Variants in CCDC171 observed in about 807,000 individuals in gnomAD.
CCDC171 encodes coiled-coil domain containing 171.
CCDC171 carries 177 observed loss-of-function variants against 168.2 expected under a neutral mutation model. That is an observed-to-expected ratio of 1.05 (90% CI 0.93 to 1.19). The LOEUF (loss-of-function observed/expected upper bound fraction) is 1.19. CCDC171 is among the 50% of genes most tolerant of loss of function. The probability of loss-of-function intolerance (pLI) is 0.00; values close to 1 mark genes in which losing one functional copy is unlikely to be tolerated. For missense variants in CCDC171, 1,991 were observed against 1,539.0 expected (o/e 1.29, Z -4.91); for synonymous variants, 687 against 540.8 (o/e 1.27, Z -3.75).
intron 9 of CCDC171, among the ~76,000 whole-genome samples, chr9:15,673,680 G>T (rs988970874): frequency 1.3e-5 from 2 of 152,164 alleles, no homozygotes; most frequent in Admixed American, 6.5e-5. Context: ...AACCAGCTTT[G>T]CATCCCAGGG....
chr9:15,954,470 A>C (rs1829565559), intron 25 of CCDC171, among the ~76,000 whole-genome samples: 1 of 151,856 alleles, frequency 6.6e-6, no homozygotes, highest in Admixed American at 6.6e-5. Flanking sequence ...TAAATTCCAC[A>C]ATTTTGTGAA....
chr9:15,790,261 G>C (rs75934730), intron 21 of CCDC171, among the ~76,000 whole-genome samples: 4,141 of 152,196 alleles, frequency 0.027, 183 homozygotes, highest in African/African-American at 0.095. Context: ...TTCAGCACCT[G>C]TTGTTTCCTT....
downstream of CCDC171, among the ~76,000 whole-genome samples, chr9:16,063,452 G>A (rs926595040): frequency 6.6e-6 from 1 of 152,194 alleles, no homozygotes; most frequent in Non-Finnish European, 1.5e-5. Flanking sequence ...GGAATACCAG[G>A]AATTATGCAA....
chr9:15,689,892 T>C (rs1024388962), intron 10 of CCDC171, among the ~76,000 whole-genome samples: 2 of 152,084 alleles, frequency 1.3e-5, no homozygotes, highest in African/African-American at 4.8e-5. Context: ...TAGAAAAAAA[T>C]CCTTCATGAT....
At chr9:16,061,740 A>G (rs1311086420), downstream of CCDC171, 1 of 152,228 alleles carries the variant, frequency 6.6e-6, no homozygotes, top group Non-Finnish European at 1.5e-5. Context: ...AACCCCATGA[A>G]GCCATACTTT....
chr9:15,814,095 G>T (rs2059465842), intron 21 of CCDC171, among the ~76,000 whole-genome samples: 1 of 152,154 alleles, frequency 6.6e-6, no homozygotes, highest in Non-Finnish European at 1.5e-5. Flanking sequence ...GGATAATTTT[G>T]CTAGTCTTAA....
chr9:15,780,002 A>G (rs1010331689), intron 20 of CCDC171, among the ~76,000 whole-genome samples: 2 of 152,254 alleles, frequency 1.3e-5, no homozygotes, highest in Non-Finnish European at 1.5e-5. Flanking sequence ...AACAGCTACT[A>G]TAACTTCAGT....
intron 2 of CCDC171, among the ~76,000 whole-genome samples, chr9:15,569,846 C>CAAAAAACAAAAACAAA (rs2040072504): frequency 1.4e-5 from 2 of 139,814 alleles, no homozygotes; most frequent in East Asian, 4.0e-4. Context: ...AACAAACAAA[C>CAAAAAACAAAAACAAA]AAAAAAAAAA....
chr9:15,868,189 C>A (rs555302823), intron 23 of CCDC171, among the ~76,000 whole-genome samples: 1 of 151,864 alleles, frequency 6.6e-6, no homozygotes, highest in East Asian at 1.9e-4. Flanking sequence ...TGGCTTTGCT[C>A]CAGAGTTGTA....
chr9:16,011,565 G>A (rs1162321359), intron 3 of CCDC171, among the ~76,000 whole-genome samples: 1 of 152,114 alleles, frequency 6.6e-6, no homozygotes, highest in Non-Finnish European at 1.5e-5. Flanking sequence ...CTTTAACAAT[G>A]GAGCAGAATG....
chr9:15,876,592 G>T (rs973344571), intron 24 of CCDC171, among the ~76,000 whole-genome samples: 4 of 152,068 alleles, frequency 2.6e-5, no homozygotes, highest in African/African-American at 9.7e-5. Flanking sequence ...AGACACATAT[G>T]TTACATGGTA....
At chr9:15,816,489 A>G (rs1038221322) in intron 21 of CCDC171, among the ~76,000 whole-genome samples, 1 of 118,798 alleles carries the variant, frequency 8.4e-6, no homozygotes. Context: ...CATTATTTTT[A>G]CTTATATTTT....
intron 7 of CCDC171, among the ~76,000 whole-genome samples, chr9:15,651,194 C>T (rs1291792918): frequency 6.6e-6 from 1 of 151,900 alleles, no homozygotes; most frequent in African/African-American, 2.4e-5. Context: ...CTGCAACTTC[C>T]ACCTCCCGGG....
At chr9:15,910,167 T>C (rs2987055) in intron 24 of CCDC171, among the ~76,000 whole-genome samples, 94,877 of 143,724 alleles carry the variant, frequency 0.66, 31,182 homozygotes, top group East Asian at 0.8. Flanking sequence ...CCATGGTATA[T>C]ATGTGCACAC....
Position 15,889,541 on chromosome 9 carries a change from C to A in CCDC171, c.3600+14878C>A, listed in dbSNP as rs190278179. On this transcript the variant is annotated intron_variant, in intron 24 of 25. Transcript: ENST00000380701. ...TTATGCCACTTGAAAACTCGAAAGACTTCAACAGTTGTGTTATGTGCAAAT... is the reference window on the plus strand; with the variant it reads ...TTATGCCACTTGAAAACTCGAAAGAATTCAACAGTTGTGTTATGTGCAAAT... Among the ~76,000 whole-genome samples the A allele has an allele frequency of 4.2e-4, 64 of 152,256 alleles. No homozygotes were observed. In the South Asian group the frequency reaches 5.6e-3, roughly 13 times the overall value.
intron 3 of CCDC171, among the ~76,000 whole-genome samples, chr9:15,980,919 C>T (rs1418328697): frequency 1.3e-5 from 2 of 151,720 alleles, no homozygotes; most frequent in African/African-American, 2.4e-5. Context: ...TTAACTGAAC[C>T]TACAGTTCCA....
the CCDC171 span, among the ~76,000 whole-genome samples, chr9:16,082,358 T>C: frequency 6.6e-6 from 1 of 152,234 alleles, no homozygotes; most frequent in Non-Finnish European, 1.5e-5. Flanking sequence ...AATTCATGGC[T>C]TCATAGCAGG....
rs189476812 is a variant in CCDC171, at chr9:15,786,910, C to T, written c.3267+2216C>T. Among the ~76,000 whole-genome samples, 138 of 152,192 alleles carry T rather than the reference C, an allele frequency of 9.1e-4. 1 individual carries two copies. Among genetic ancestry groups the T allele is most frequent in the African/African-American group, 3.1e-3 (128 of 41,538 alleles). On this transcript the variant is annotated intron_variant, in intron 21 of 25. Transcript: ENST00000380701. ...TTCAACTGTAGCTTTCCACTGCCTA[C>T]CCGAGTCCTACAAAGCTGCCCCTCT...
chr9:15,949,222 G>A (rs1828815530), intron 25 of CCDC171, among the ~76,000 whole-genome samples: 1 of 151,894 alleles, frequency 6.6e-6, no homozygotes. Flanking sequence ...TTTGGTTACT[G>A]TAGCCTTGTA....
Sources: gnomAD v4.1 joint callset for allele counts (sites outside exome capture counted in the v4.1 genomes callset) on GRCh38, gnomAD v4.1.1 for gene constraint, MANE v1.5 for transcripts, NCBI Gene and HGNC (gene_info 2026-07-23, HGNC 2026-07-21) for gene names.